The following TLL1 variants were observed in gnomAD, a reference collection of about 807,000 sequenced individuals.
TLL1 encodes the protein tolloid like 1.
Under a neutral mutation model 128.2 loss-of-function variants are expected in TLL1, and 49 were observed. The ratio of observed to expected loss-of-function variants is 0.38; its 90% CI spans 0.30 to 0.48. The LOEUF (loss-of-function observed/expected upper bound fraction) is 0.48, where lower values mean the gene tolerates loss of function less well. TLL1 is among the 20% of genes least tolerant of loss of function. The pLI, the probability that TLL1 is intolerant of heterozygous loss-of-function variation, is 0.96. For synonymous variants in TLL1, 454 were observed against 418.8 expected (o/e 1.08, Z -1.03); for missense variants, 1,123 against 1,242.0 (o/e 0.90, Z 1.44).
At chr4:165,897,501 G>A (rs1731734142) in intron 1 of TLL1, among the ~76,000 whole-genome samples, 1 of 151,976 alleles carries the variant, frequency 6.6e-6, no homozygotes, top group African/African-American at 2.4e-5. Flanking sequence ...CCCAATGCTT[G>A]TTTTTGTCAA....
At chr4:165,961,664 T>G (rs1735112317) in intron 1 of TLL1, among the ~76,000 whole-genome samples, 1 of 152,030 alleles carries the variant, frequency 6.6e-6, no homozygotes, top group Non-Finnish European at 1.5e-5. Flanking sequence ...GAAACAAAGC[T>G]GCATACCTAC....
intron 1 of TLL1, among the ~76,000 whole-genome samples, chr4:165,926,002 T>C (rs1385367641): frequency 6.6e-6 from 1 of 152,214 alleles, no homozygotes; most frequent in Non-Finnish European, 1.5e-5. Context: ...TACAGCGTAG[T>C]ATAAATATAA....
chr4:165,905,005 G>A (rs954367688), intron 1 of TLL1, among the ~76,000 whole-genome samples: 2 of 152,112 alleles, frequency 1.3e-5, no homozygotes, highest in African/African-American at 4.8e-5. Flanking sequence ...CAGACCATTA[G>A]GCAAATGAAG....
At chr4:165,886,992 C>G (rs1192573808) in intron 1 of TLL1, among the ~76,000 whole-genome samples, 2 of 152,096 alleles carry the variant, frequency 1.3e-5, no homozygotes, top group Admixed American at 6.6e-5. Context: ...TGTGAAAGTT[C>G]TTGAATTTTA....
intron 1 of TLL1, among the ~76,000 whole-genome samples, chr4:165,892,615 G>C (rs1224287296): frequency 6.6e-6 from 1 of 151,980 alleles, no homozygotes; most frequent in African/African-American, 2.4e-5. Context: ...ACTCTTTTCT[G>C]AATAACTATT....
intron 1 of TLL1, among the ~76,000 whole-genome samples, chr4:165,886,015 G>T (rs1371312056): frequency 6.6e-6 from 1 of 151,174 alleles, no homozygotes; most frequent in East Asian, 2.0e-4. Flanking sequence ...AAAGTGTCTA[G>T]TAAGGAACTA....
At chr4:166,083,320 T>C (rs1017678540) in intron 18 of TLL1, among the ~76,000 whole-genome samples, 2 of 124,010 alleles carry the variant, frequency 1.6e-5, no homozygotes, top group African/African-American at 5.0e-5. Flanking sequence ...TATTGAAGTA[T>C]ATGTACATTG....
intron 12 of TLL1, among the ~76,000 whole-genome samples, chr4:166,051,164 C>T (rs992339112): frequency 2.0e-5 from 3 of 152,174 alleles, no homozygotes; most frequent in Non-Finnish European, 4.4e-5. Context: ...TTATACAAGA[C>T]ATTGAGTTCA....
chr4:165,999,092 A>C (rs1182341375), intron 5 of TLL1, among the ~76,000 whole-genome samples: 1 of 152,074 alleles, frequency 6.6e-6, no homozygotes, highest in Non-Finnish European at 1.5e-5. Flanking sequence ...GATCAAAACC[A>C]TTCAACAAGT....
chr4:166,039,523 T>C, intron 10 of TLL1, 82 bp downstream of exon 10: 1 of 976,262 alleles, frequency 1.0e-6, no homozygotes, highest in South Asian at 1.3e-5. Flanking sequence ...TCAAGAGTCA[T>C]CGTAGAGTTA....
chr4:165,958,051 T>G (rs551438087), intron 1 of TLL1, among the ~76,000 whole-genome samples: 1 of 151,114 alleles, frequency 6.6e-6, no homozygotes, highest in South Asian at 2.1e-4. Context: ...CATCATTTTT[T>G]ATGGCTGCAT....
chr4:166,045,052 T>C (rs145791347), intron 12 of TLL1, among the ~76,000 whole-genome samples: 1 of 152,308 alleles, frequency 6.6e-6, no homozygotes, highest in African/African-American at 2.4e-5. Flanking sequence ...TGACACACAG[T>C]AGTTGCTTAA....
intron 1 of TLL1, among the ~76,000 whole-genome samples, chr4:165,939,927 G>A (rs544506082): frequency 2.6e-5 from 4 of 151,944 alleles, no homozygotes; most frequent in Non-Finnish European, 4.4e-5. Flanking sequence ...CGTATTTTTC[G>A]TGCTGGAATT....
intron 20 of TLL1, among the ~76,000 whole-genome samples, chr4:166,100,419 A>AG: frequency 6.6e-6 from 1 of 152,118 alleles, no homozygotes; most frequent in East Asian, 1.9e-4. Context: ...TGATTTGTAA[A>AG]TCAAGAGAAC....
chr4:165,891,772 A>G (rs1731421132), intron 1 of TLL1, among the ~76,000 whole-genome samples: 1 of 152,160 alleles, frequency 6.6e-6, no homozygotes, highest in Non-Finnish European at 1.5e-5. Context: ...GAGCCCTCCA[A>G]GTCTCTAAGA....
chr4:165,962,873 T>C (rs1375821626), intron 1 of TLL1, among the ~76,000 whole-genome samples: 3 of 151,634 alleles, frequency 2.0e-5, no homozygotes, highest in African/African-American at 4.8e-5. Flanking sequence ...CTGGCCAACA[T>C]GCTGAAACCA....
At chr4:166,033,918 TCTATTTTC>T (rs1263889969) in intron 9 of TLL1, among the ~76,000 whole-genome samples, 1 of 152,202 alleles carries the variant, frequency 6.6e-6, no homozygotes, top group Non-Finnish European at 1.5e-5. Context: ...CTTAATATTT[TCTATTTTC>T]CTATATAACC....
Position 166,046,664 on chromosome 4 carries a change from G to A in TLL1, c.1524+3245G>A, listed in dbSNP as rs566791005. Reference sequence around the variant, plus strand: ...GTGATGTGCCTTACTGAGAAAACACGTGTGTCAGATTATCTTCGTTCAGAC... The same window carrying A: ...GTGATGTGCCTTACTGAGAAAACACATGTGTCAGATTATCTTCGTTCAGAC... On this transcript the variant is annotated intron_variant, in intron 12 of 20. Coordinates refer to ENST00000061240, the MANE Select transcript of TLL1 (RefSeq NM_012464.5). Among the ~76,000 whole-genome samples the A allele has an allele frequency of 7.2e-5, 11 of 152,298 alleles. No homozygotes were observed. In the South Asian group the frequency reaches 2.3e-3, roughly 32 times the overall value.
At chr4:165,936,980 C>A (rs1021611787) in intron 1 of TLL1, among the ~76,000 whole-genome samples, 2 of 152,102 alleles carry the variant, frequency 1.3e-5, no homozygotes, top group Non-Finnish European at 2.9e-5. Flanking sequence ...AGAAACCTTA[C>A]TTCCACTTAG....
Sources: allele counts gnomAD v4.1 joint callset (sites outside exome capture counted in the v4.1 genomes callset), GRCh38; gene constraint gnomAD v4.1.1; transcripts MANE v1.5; gene names NCBI Gene and HGNC (gene_info 2026-07-23, HGNC 2026-07-21).